PAXBP1: variants seen among roughly 807,000 people sequenced by gnomAD.
PAXBP1 encodes PAX3- and PAX7-binding protein 1.
PAXBP1 carries 44 observed loss-of-function variants against 119.9 expected under a neutral mutation model. The ratio of observed to expected loss-of-function variants is 0.37; its 90% CI spans 0.29 to 0.47. The LOEUF (loss-of-function observed/expected upper bound fraction) is 0.47. PAXBP1 is among the 20% of genes least tolerant of loss of function. The pLI, the probability that PAXBP1 is intolerant of heterozygous loss-of-function variation, is 0.99. For synonymous variants in PAXBP1, 393 were observed against 406.6 expected, an observed-to-expected ratio of 0.97 and a Z score of 0.40; for missense variants, 898 against 1,134.1, an observed-to-expected ratio of 0.79 and a Z score of 2.99.
chr21:32,769,728 T>A, intron 2 of PAXBP1, 86 bp downstream of exon 2: 2 of 1,426,902 alleles, frequency 1.4e-6, no homozygotes, highest in South Asian at 2.6e-5. Flanking sequence ...GTCCACTGAA[T>A]GAGTTCAGAA....
At position 32,759,855 on chromosome 21, in the gene PAXBP1, T is replaced by C. The variant is rs1427347928; in HGVS notation, c.1115A>G (p.Asn372Ser). Residue 372 changes from asparagine to serine, a missense_variant, in exon 6 of 18, where the codon AAT becomes AGT. Asn to Ser is a conservative substitution (Grantham distance 46). Transcript: ENST00000331923. ...ACTGGGAGTTTTGAAAGGGACTGTA[T>C]TATCTGTTTTTTGAGATTTGGCATC... ...SSDAKSQKTD[N>S]TVPFKTPSNE... 4 of 1,613,942 alleles carry C rather than the reference T, an allele frequency of 2.5e-6. No homozygotes were observed. The highest frequency in any genetic ancestry group is 2.5e-6 in the Non-Finnish European group (3 of 1,179,900).
chr21:32,746,978 C>T (rs1008020610), intron 11 of PAXBP1, among the ~76,000 whole-genome samples: 8 of 151,626 alleles, frequency 5.3e-5, no homozygotes, highest in South Asian at 4.2e-4. Context: ...AGCAAACTAA[C>T]GCAGGAACAG....
intron 7 of PAXBP1, 74 bp downstream of exon 7, chr21:32,759,006 A>C (rs2044090755): frequency 7.2e-7 from 1 of 1,388,786 alleles, no homozygotes. Context: ...GAATTATAGA[A>C]TGTTCTACAC....
At chr21:32,765,534 A>G (rs2044226657) in intron 2 of PAXBP1, among the ~76,000 whole-genome samples, 1 of 152,144 alleles carries the variant, frequency 6.6e-6, no homozygotes, top group South Asian at 2.1e-4. Flanking sequence ...AATATGAAAG[A>G]TATTTTTCTG....
intron 11 of PAXBP1, among the ~76,000 whole-genome samples, chr21:32,747,096 G>A (rs1391873959): frequency 8.1e-6 from 1 of 123,398 alleles, no homozygotes; most frequent in Non-Finnish European, 1.7e-5. Flanking sequence ...TGGGGGTGGG[G>A]ACTTGGGGGA....
chr21:32,734,155 T>G lies in PAXBP1; in HGVS notation c.*795A>C, dbSNP rs944245026. 2 of 152,632 alleles carry G rather than the reference T, an allele frequency of 1.3e-5. No homozygotes were observed. The highest frequency in any genetic ancestry group is 2.9e-5 in the Non-Finnish European group (2 of 68,036). 9.5% of individuals were successfully genotyped at this position (152,632 alleles called of 1,614,324 possible). A position where few individuals can be genotyped will look rare whatever the true frequency, so the allele number is the denominator to read the frequency against. On this transcript the variant is annotated 3_prime_UTR_variant, in exon 18 of 18. Coordinates refer to ENST00000331923, the MANE Select transcript of PAXBP1 (RefSeq NM_016631.4). Reference sequence around the variant, plus strand: ...TATTTAACTCACATATGTGGGATTTTAAATATGACAGACTACTAAAATTCA... The same window carrying G: ...TATTTAACTCACATATGTGGGATTTGAAATATGACAGACTACTAAAATTCA...
chr21:32,764,227 T>G (rs2044200302), intron 3 of PAXBP1, 121 bp downstream of exon 3: 1 of 956,404 alleles, frequency 1.0e-6, no homozygotes, highest in Non-Finnish European at 1.5e-6. Flanking sequence ...AACTCCCTCT[T>G]CAAACAGCAA....
In PAXBP1 at chr21:32,744,954, G is replaced by T. The variant is rs762819499; in HGVS notation, c.2069-41C>A. 4 of 1,580,026 alleles carry T rather than the reference G, an allele frequency of 2.5e-6. No homozygotes were observed. The South Asian group carries it at 4.8e-5, about 19-fold the overall frequency. ...GAGGATTGAGACACAGAAGCCAATT[G>T]TACCTTTAATTTTTTGTCAAGCAGA... On this transcript the variant is annotated intron_variant, in intron 12 of 17. Coordinates refer to ENST00000331923, the MANE Select transcript of PAXBP1 (RefSeq NM_016631.4).
chr21:32,761,166 C>G lies in PAXBP1; in HGVS notation c.872-4G>C, dbSNP rs202039582. On this transcript the variant is annotated splice_polypyrimidine_tract_variant and splice_region_variant and intron_variant, in intron 4 of 17. Transcript: ENST00000331923. ...TCATCATCACTCCCCTCAATTCCTA[C>G]AGCCATGAGCAACAAAGAAAAGTAA... is the stretch of plus-strand genomic sequence containing the variant. The G allele has an allele frequency of 8.1e-6, 13 of 1,609,336 alleles. No homozygotes were observed. Among genetic ancestry groups the G allele is most frequent in the Non-Finnish European group, 8.5e-7 (1 of 1,177,224 alleles).
chr21:32,743,490 ACACT>A lies in PAXBP1; in HGVS notation c.2268-180_2268-177del, dbSNP rs569371120. Among the ~76,000 whole-genome samples, 399 of 152,320 alleles carry A rather than the reference ACACT, an allele frequency of 2.6e-3. 5 individuals are homozygous for A. The highest frequency in any genetic ancestry group is 9.0e-3 in the African/African-American group (376 of 41,570). On this transcript the variant is annotated intron_variant, in intron 14 of 17. Transcript: ENST00000331923. ...AAAGGCAATGGAAATTTATTCTGAG[ACACT>A]CAGGGAGAACGTAAGAGTATTGTTT...
At position 32,764,423 on chromosome 21, in the gene PAXBP1, C is replaced by T. The variant is rs771336133; in HGVS notation, c.574G>A (p.Glu192Lys). The change falls in exon 3 of 18, where the codon GAA (glutamate) becomes AAA (lysine). Residue 192 changes from glutamate (E) to lysine (K), a missense_variant. Coordinates refer to ENST00000331923, the MANE Select transcript of PAXBP1 (RefSeq NM_016631.4). The stretch of plus-strand genomic sequence containing the variant: ...GTCTTTGGCTTTTCTTCCTCTTTTT[C>T]ACTTTCCATATCCATTTCATCTTCA... ...HGEDEMDMES[E>K]KEEEKPKTGG... 6.2e-7 allele frequency: 1 copy of T among 1,613,874 alleles called. No individual in the cohort carries two copies. Among genetic ancestry groups the T allele is most frequent in the Non-Finnish European group, 8.5e-7 (1 of 1,179,896 alleles).
Position 32,759,964 on chromosome 21 carries a change from T to C in PAXBP1, c.1006A>G (p.Met336Val), listed in dbSNP as rs778767382. The C allele has an allele frequency of 3.3e-5, 53 of 1,613,936 alleles. No homozygotes were observed. In the South Asian group the frequency reaches 5.6e-4, roughly 17 times the overall value. Residue 336 changes from methionine (M) to valine (V), a missense_variant, in exon 6 of 18, where the codon ATG becomes GTG. Met to Val is a conservative substitution (Grantham distance 21). This residue lies in a region of PAXBP1 where 599 missense variants were observed against 852.7 expected (regional missense o/e 0.70). Transcript: ENST00000331923. Reference sequence around the variant, plus strand: ...GTCTGGTAAGTGTTCTGGTAGTACATATTCACTTCTGCGGGTTGACTGGCT... The same window carrying C: ...GTCTGGTAAGTGTTCTGGTAGTACACATTCACTTCTGCGGGTTGACTGGCT... ...VQASQPAEVN[M>V]YYQNTYQTMP...
chr21:32,757,234 TTC>T (rs2044057819), intron 7 of PAXBP1, among the ~76,000 whole-genome samples: 1 of 152,198 alleles, frequency 6.6e-6, no homozygotes, highest in Non-Finnish European at 1.5e-5. Context: ...ATCCAATTAT[TTC>T]TAAGTATCTC....
chr21:32,735,139 G>C, intron 17 of PAXBP1, 72 bp from the exon 18 acceptor site: 1 of 1,013,208 alleles, frequency 9.9e-7, no homozygotes, highest in South Asian at 1.4e-5. Context: ...TGATTTCATG[G>C]CTATTTTAGA....
At chr21:32,759,292 T>G in intron 6 of PAXBP1, 23 bp from the exon 7 acceptor site, 3 of 1,604,708 alleles carry the variant, frequency 1.9e-6, no homozygotes, top group Non-Finnish European at 2.6e-6. Flanking sequence ...AAAGGATAAA[T>G]ATAACACATT....
chr21:32,738,021 G>T, intron 16 of PAXBP1, 152 bp downstream of exon 16: 1 of 624,020 alleles, frequency 1.6e-6, no homozygotes, highest in Non-Finnish European at 2.5e-6. Context: ...GTAGGGGGTT[G>T]GAACTACCTG....
intron 2 of PAXBP1, 146 bp from the exon 3 acceptor site, chr21:32,764,670 T>C (rs938939652): frequency 8.6e-6 from 5 of 581,020 alleles, no homozygotes; most frequent in African/African-American, 5.7e-5. Flanking sequence ...CCAGTAAAGC[T>C]TGAATTAATT....
chr21:32,747,431 G>A (rs112075033), intron 11 of PAXBP1, among the ~76,000 whole-genome samples: 2 of 152,218 alleles, frequency 1.3e-5, no homozygotes, highest in African/African-American at 2.4e-5. Context: ...AGGAGTGGGG[G>A]ACACAGAAAA....
At chr21:32,763,142 T>C (rs1009095582) in intron 3 of PAXBP1, among the ~76,000 whole-genome samples, 1 of 152,192 alleles carries the variant, frequency 6.6e-6, no homozygotes, top group Non-Finnish European at 1.5e-5. Flanking sequence ...TAATTTTTAA[T>C]GGTTTAACAT....
Sources: gnomAD v4.1 joint callset for allele counts (sites outside exome capture counted in the v4.1 genomes callset) on GRCh38, gnomAD v4.1.1 for gene constraint, gnomAD v4.1.1 regional missense constraint, MANE v1.5 for transcripts, NCBI Gene and HGNC (gene_info 2026-07-23, HGNC 2026-07-21) for gene names.